Variants in ZYG11B observed in about 807,000 individuals in gnomAD.
ZYG11B encodes protein zyg-11 homolog B.
In ZYG11B, 36 loss-of-function variants were observed where a neutral mutation model predicts 82.4. The ratio of observed to expected loss-of-function variants is 0.44; its 90% CI spans 0.33 to 0.58. The LOEUF (loss-of-function observed/expected upper bound fraction) is 0.58, where lower values mean the gene tolerates loss of function less well. Ranked by LOEUF, ZYG11B falls within the 20% of genes least tolerant of loss-of-function variation. The pLI is 0.02. For missense variants in ZYG11B, 552 were observed against 895.6 expected (o/e 0.62, Z 4.90); for synonymous variants, 303 against 312.8 (o/e 0.97, Z 0.33).
chr1:52,800,211 G>C (rs922246694), intron 8 of ZYG11B, among the ~76,000 whole-genome samples: 1 of 150,866 alleles, frequency 6.6e-6, no homozygotes, highest in African/African-American at 2.4e-5. Flanking sequence ...GGGAGTTCAA[G>C]TCTACAGCGA....
intron 1 of ZYG11B, among the ~76,000 whole-genome samples, chr1:52,729,026 A>G (rs913124250): frequency 6.6e-6 from 1 of 152,240 alleles, no homozygotes; most frequent in African/African-American, 2.4e-5. Context: ...ACAAAATACC[A>G]TAAACTAGGT....
chr1:52,776,229 A>AAAAAAAAAATATATACATATAT, intron 3 of ZYG11B, among the ~76,000 whole-genome samples: 2 of 23,544 alleles, frequency 8.5e-5, no homozygotes, highest in Non-Finnish European at 2.3e-4. Flanking sequence ...TAAAAAAAAA[A>AAAAAAAAAATATATACATATAT]ATATATATAT....
intron 10 of ZYG11B, among the ~76,000 whole-genome samples, chr1:52,803,425 G>A (rs1307474959): frequency 5.3e-5 from 7 of 132,244 alleles, no homozygotes; most frequent in East Asian, 4.4e-4. Context: ...CAATAAGAGC[G>A]AAACTCCATC....
chr1:52,812,769 C>T (rs1258646140), intron 10 of ZYG11B, among the ~76,000 whole-genome samples: 1 of 152,076 alleles, frequency 6.6e-6, no homozygotes, highest in Non-Finnish European at 1.5e-5. Context: ...CTCTGTCTCC[C>T]AGGCTGGAGT....
intron 10 of ZYG11B, among the ~76,000 whole-genome samples, chr1:52,811,552 C>T (rs1240050367): frequency 6.6e-6 from 1 of 152,132 alleles, no homozygotes; most frequent in Non-Finnish European, 1.5e-5. Flanking sequence ...GTGATCCTCC[C>T]ACCTCAACCT....
At chr1:52,745,863 T>TA (rs1644471639) in intron 1 of ZYG11B, among the ~76,000 whole-genome samples, 2 of 108,514 alleles carry the variant, frequency 1.8e-5, no homozygotes, top group African/African-American at 6.8e-5. Flanking sequence ...TGCATCCAGC[T>TA]GTTTTTTTTG....
intron 1 of ZYG11B, among the ~76,000 whole-genome samples, chr1:52,749,474 G>A (rs550037630): frequency 2.3e-4 from 35 of 152,264 alleles, no homozygotes; most frequent in African/African-American, 8.2e-4. Context: ...TACTTTATAG[G>A]TCTCTCTTTT....
intron 3 of ZYG11B, among the ~76,000 whole-genome samples, chr1:52,773,665 T>C (rs1241464420): frequency 2.0e-5 from 2 of 102,470 alleles, no homozygotes; most frequent in African/African-American, 7.8e-5. Context: ...TTTTTTGAGA[T>C]GGAGTCTCGC....
intron 6 of ZYG11B, among the ~76,000 whole-genome samples, chr1:52,792,516 G>A (rs995775778): frequency 6.6e-6 from 1 of 152,134 alleles, no homozygotes; most frequent in African/African-American, 2.4e-5. Context: ...TCATTTTACA[G>A]ATGAGGAAAT....
chr1:52,819,188 G>A lies in ZYG11B; in HGVS notation c.2045-2251G>A, dbSNP rs74338599. 6.4e-3 allele frequency among the ~76,000 whole-genome samples: 981 copies of A among 152,266 alleles called. 14 individuals are homozygous for A. The highest frequency in any genetic ancestry group is 0.023 in the African/African-American group (939 of 41,556). The stretch of plus-strand genomic sequence containing the variant: ...ATAATTCAATGAATGGGATGTGACC[G>A]AGAAAACTGCCTTGTACCCACCTGA... On this transcript the variant is annotated intron_variant, in intron 13 of 13. Coordinates refer to ENST00000294353, the MANE Select transcript of ZYG11B (RefSeq NM_024646.3).
intron 1 of ZYG11B, among the ~76,000 whole-genome samples, chr1:52,732,626 G>T (rs557516436): frequency 6.6e-6 from 1 of 152,152 alleles, no homozygotes; most frequent in Admixed American, 6.5e-5. Flanking sequence ...CTAGCTGAGC[G>T]TGGTGGCACA....
At chr1:52,810,884 A>G (rs1645176715) in intron 10 of ZYG11B, among the ~76,000 whole-genome samples, 1 of 152,056 alleles carries the variant, frequency 6.6e-6, no homozygotes, top group African/African-American at 2.4e-5. Flanking sequence ...AAAATATAAA[A>G]ATTAGCTGGC....
intron 2 of ZYG11B, among the ~76,000 whole-genome samples, chr1:52,768,670 C>T (rs1000695874): frequency 1.3e-5 from 2 of 150,674 alleles, no homozygotes; most frequent in South Asian, 4.2e-4. Flanking sequence ...TCTCGGCTCA[C>T]TGCAGCCTCC....
rs1180953021 is a variant in ZYG11B, at chr1:52,824,959, CATT to C, written c.*3331_*3333del. On this transcript the variant is annotated 3_prime_UTR_variant, in exon 14 of 14. Coordinates refer to ENST00000294353, the MANE Select transcript of ZYG11B (RefSeq NM_024646.3). ...CAATTTAGACTAGGGTTGAACCACTCATTGTTCAAATCATTGGTGGGCTCCAAT... is the reference window on the plus strand; with the variant it reads ...CAATTTAGACTAGGGTTGAACCACTCGTTCAAATCATTGGTGGGCTCCAAT... The C allele has an allele frequency of 1.3e-5, 2 of 152,074 alleles. No individual in the cohort carries two copies. The highest frequency in any genetic ancestry group is 2.9e-5 in the Non-Finnish European group (2 of 68,028). 9.4% of individuals were successfully genotyped at this position (152,074 alleles called of 1,614,324 possible).
chr1:52,772,557 T>G lies in ZYG11B; in HGVS notation c.951+783T>G, dbSNP rs149698803. On this transcript the variant is annotated intron_variant, in intron 3 of 13. Transcript: ENST00000294353. Reference sequence around the variant, plus strand: ...TTTGTAAATCTGCTCCTTCACGTCGTCAGATGTCAACTTCAACCAAGTGGG... The same window carrying G: ...TTTGTAAATCTGCTCCTTCACGTCGGCAGATGTCAACTTCAACCAAGTGGG... 9,678 of 1,608,772 alleles carry G rather than the reference T, an allele frequency of 6.0e-3. 121 individuals are homozygous for G. In the Middle Eastern group the frequency reaches 0.09, roughly 15 times the overall value.
At chr1:52,762,402 C>G (rs1644639569) in intron 2 of ZYG11B, among the ~76,000 whole-genome samples, 1 of 151,740 alleles carries the variant, frequency 6.6e-6, no homozygotes, top group African/African-American at 2.4e-5. Context: ...AGAGGCAGGG[C>G]CTTACCATGG....
intron 10 of ZYG11B, 78 bp downstream of exon 10, chr1:52,802,217 T>C (rs1231523470): frequency 1.4e-6 from 2 of 1,421,710 alleles, no homozygotes; most frequent in Non-Finnish European, 1.9e-6. Flanking sequence ...AAGTTGCAGC[T>C]CTGCAGTGGC....
rs1553260832 is a variant in ZYG11B at position 52,783,893 on chromosome 1, C to CACGTGTGTGTATGTACATAT, written c.1093-972_1093-971insGTACATATACGTGTGTGTAT. Among the ~76,000 whole-genome samples, 182 of 81,954 alleles carry CACGTGTGTGTATGTACATAT rather than the reference C, an allele frequency of 2.2e-3. 4 individuals are homozygous for CACGTGTGTGTATGTACATAT. The highest frequency in any genetic ancestry group is 7.2e-3 in the African/African-American group (174 of 24,102). 53.8% of individuals were successfully genotyped at this position (81,954 alleles called of 152,430 possible). A position where few individuals can be genotyped will look rare whatever the true frequency, so the allele number is the denominator to read the frequency against. ...ATACACGTGTGTGTATATGTACATA[C>CACGTGTGTGTATGTACATAT]ACGTGTGTGTATATACATCTATACA... On this transcript the variant is annotated intron_variant, in intron 4 of 13. Transcript: ENST00000294353.
intron 2 of ZYG11B, among the ~76,000 whole-genome samples, chr1:52,767,639 G>A (rs1276541575): frequency 1.3e-5 from 2 of 152,110 alleles, no homozygotes; most frequent in Admixed American, 6.6e-5. Flanking sequence ...TCCCCACTTG[G>A]CTTCTCTTGA....
Sources: allele counts gnomAD v4.1 joint callset (sites outside exome capture counted in the v4.1 genomes callset), GRCh38; gene constraint gnomAD v4.1.1; transcripts MANE v1.5; gene names NCBI Gene and HGNC (gene_info 2026-07-23, HGNC 2026-07-21).